COL18A1: variants seen among roughly 807,000 people sequenced by gnomAD.
The protein encoded by COL18A1 is collagen type XVIII alpha 1 chain.
COL18A1 carries 133 observed loss-of-function variants against 168.0 expected under a neutral mutation model. The observed-to-expected ratio is 0.79, with a 90% CI of 0.69 to 0.91. COL18A1 has a LOEUF of 0.91. Ranked by LOEUF, COL18A1 falls within the 40% of genes least tolerant of loss-of-function variation. The pLI, the probability that COL18A1 is intolerant of heterozygous loss-of-function variation, is 0.00. For synonymous variants in COL18A1, 949 were observed against 809.0 expected (o/e 1.17, Z -2.94); for missense variants, 2,126 against 1,925.4 (o/e 1.10, Z -1.95).
At chr21:45,430,167 A>G (rs28674166) in intron 2 of COL18A1, among the ~76,000 whole-genome samples, 4,040 of 116,334 alleles carry the variant, frequency 0.035, 169 homozygotes, top group African/African-American at 0.14. Flanking sequence ...TGCTGTGTCC[A>G]TGAAGTGGGG....
chr21:45,447,884 T>G (rs75968197), intron 2 of COL18A1, among the ~76,000 whole-genome samples: 6,448 of 152,202 alleles, frequency 0.042, 175 homozygotes, highest in African/African-American at 0.073. Context: ...CCTGCTGTGC[T>G]CCACCCATTG....
intron 2 of COL18A1, among the ~76,000 whole-genome samples, chr21:45,410,240 C>T (rs2033248825): frequency 7.3e-6 from 1 of 136,612 alleles, no homozygotes; most frequent in South Asian, 2.5e-4. Context: ...GATGGGGTCA[C>T]CTCGCCACCT....
chr21:45,469,809 T>C (rs1390822776), intron 3 of COL18A1, among the ~76,000 whole-genome samples: 2 of 152,244 alleles, frequency 1.3e-5, no homozygotes, highest in Non-Finnish European at 1.5e-5. Flanking sequence ...TAAGTCCTGG[T>C]GTCTGGGGGT....
rs62216330 is a variant in COL18A1, at chr21:45,491,466, C to T, written c.2157+152C>T. The T allele has an allele frequency of 6.5e-3, 4,111 of 631,958 alleles. 127 individuals carry two copies. Among genetic ancestry groups the T allele is most frequent in the East Asian group, 0.03 (1,035 of 34,950 alleles). The allele number at this position is 631,958 out of a possible 1,614,324, so 39.1% of individuals were successfully genotyped here. A position where few individuals can be genotyped will look rare whatever the true frequency, so the allele number is the denominator to read the frequency against. On this transcript the variant is annotated intron_variant, in intron 22 of 41. Transcript: ENST00000651438. ...CACTCCACCTCCTCGGTGGGGGCTGCAGACGCCCTCGGTCAGAGACGCCTG... is the reference window on the plus strand; with the variant it reads ...CACTCCACCTCCTCGGTGGGGGCTGTAGACGCCCTCGGTCAGAGACGCCTG...
intron 32 of COL18A1, among the ~76,000 whole-genome samples, chr21:45,501,994 G>GCA (rs1425197544): frequency 1.2e-5 from 1 of 80,060 alleles, no homozygotes; most frequent in African/African-American, 5.6e-5. Context: ...AGGACCCTCA[G>GCA]GGGCTCCACA....
chr21:45,490,602 GGGTCCCTGGGCCTTCGTGTGCCCTCCCA>G (rs1568922007), intron 20 of COL18A1, among the ~76,000 whole-genome samples: 2 of 146,296 alleles, frequency 1.4e-5, no homozygotes, highest in Admixed American at 6.8e-5. Flanking sequence ...GTGCCCTCCC[GGGTCCCTGGGCCTTCGTGTGCCCTCCCA>G]GGTCTCTGGG....
intron 2 of COL18A1, among the ~76,000 whole-genome samples, chr21:45,464,545 C>T (rs1015536637): frequency 6.6e-6 from 1 of 152,198 alleles, no homozygotes; most frequent in Non-Finnish European, 1.5e-5. Context: ...AATTCAGTGG[C>T]TTAAACCAAC....
chr21:45,490,922 C>A, intron 21 of COL18A1, 51 bp downstream of exon 21: 1 of 1,528,338 alleles, frequency 6.5e-7, no homozygotes, highest in Non-Finnish European at 8.9e-7. Flanking sequence ...TGGGACATCC[C>A]AGAAGGTTTG....
In COL18A1 at chr21:45,468,446, G is replaced by T. The variant is rs2035296152; in HGVS notation, c.311G>T (p.Gly104Val). The change falls in exon 3 of 42, where the codon GGC (glycine) becomes GTC (valine). Residue 104 changes from glycine (G) to valine (V), a missense_variant. Coordinates refer to ENST00000651438, the MANE Select transcript of COL18A1 (RefSeq NM_001379500.1). ...LLFHIRPATE[G>V]PGVLFAITDS... ...TTCCACATCCGGCCAGCCACAGAGG[G>T]CCCAGGGGTGCTGTTCGCCATCACG... The T allele has an allele frequency of 6.2e-7, 1 of 1,614,114 alleles. No individual in the cohort carries two copies. Among genetic ancestry groups the T allele is most frequent in the East Asian group, 2.2e-5 (1 of 44,886 alleles).
intron 2 of COL18A1, chr21:45,409,934 G>A (rs993174943): frequency 2.0e-5 from 3 of 152,276 alleles, no homozygotes; most frequent in African/African-American, 7.2e-5. Flanking sequence ...AGAGAGTGAG[G>A]GAGCGGTGCT....
intron 2 of COL18A1, among the ~76,000 whole-genome samples, chr21:45,437,204 T>G (rs1730639210): frequency 1.0e-5 from 1 of 95,952 alleles, no homozygotes; most frequent in Admixed American, 1.1e-4. Flanking sequence ...ACACAGGCAC[T>G]CTCCTGCACA....
At chr21:45,447,283 T>C (rs1249994135) in intron 2 of COL18A1, among the ~76,000 whole-genome samples, 1 of 151,898 alleles carries the variant, frequency 6.6e-6, no homozygotes, top group Admixed American at 6.6e-5. Context: ...AGTTTTTTAT[T>C]GTTCCTCTAA....
chr21:45,445,053 T>C (rs572490027), intron 2 of COL18A1, among the ~76,000 whole-genome samples: 1 of 152,286 alleles, frequency 6.6e-6, no homozygotes, highest in South Asian at 2.1e-4. Context: ...TATTCAAAAA[T>C]CTATGCCACC....
rs79342461 is a variant in COL18A1, at chr21:45,420,869, G to A, written c.106+15396G>A. On this transcript the variant is annotated intron_variant, in intron 2 of 41. Transcript: ENST00000651438. Reference sequence around the variant, plus strand: ...GGGGTGAACAGTGGCGGGGAACCTTGGGGAGCTGTGGATGGCCCAACCTCA... The same window carrying A: ...GGGGTGAACAGTGGCGGGGAACCTTAGGGAGCTGTGGATGGCCCAACCTCA... The A allele has an allele frequency of 3.8e-3, 589 of 153,842 alleles. 2 individuals carry two copies. Among genetic ancestry groups the A allele is most frequent in the African/African-American group, 0.013 (558 of 41,556 alleles). 9.5% of individuals were successfully genotyped at this position (153,842 alleles called of 1,614,324 possible). A position where few individuals can be genotyped will look rare whatever the true frequency, so the allele number is the denominator to read the frequency against.
chr21:45,416,852 A>G (rs1177390637), intron 2 of COL18A1, among the ~76,000 whole-genome samples: 1 of 151,992 alleles, frequency 6.6e-6, no homozygotes, highest in African/African-American at 2.4e-5. Context: ...CGTTCTGCAT[A>G]TGCTCGTTCT....
rs1021611313 is a variant in COL18A1, at chr21:45,478,061, G to A, written c.1221+96G>A. 6 of 780,302 alleles carry A rather than the reference G, an allele frequency of 7.7e-6. No individual in the cohort carries two copies. In the African/African-American group the frequency reaches 8.5e-5, roughly 11 times the overall value. The allele number at this position is 780,302 out of a possible 1,614,324, so 48.3% of individuals were successfully genotyped here. A position where few individuals can be genotyped will look rare whatever the true frequency, so the allele number is the denominator to read the frequency against. On this transcript the variant is annotated intron_variant, in intron 8 of 41. Coordinates refer to ENST00000651438, the MANE Select transcript of COL18A1 (RefSeq NM_001379500.1). ...TGCGGCCGACATGGGAGTGAGCTGA[G>A]CTGGGATCGGGGCAGGTCAGCAGCC...
intron 28 of COL18A1, 66 bp downstream of exon 28, chr21:45,494,981 C>T: frequency 1.4e-6 from 2 of 1,410,168 alleles, no homozygotes; most frequent in Non-Finnish European, 2.0e-6. Flanking sequence ...CAGCCCAGGC[C>T]CACGGGGGTG....
chr21:45,506,743 C>T (rs2037225189), intron 37 of COL18A1: 1 of 145,556 alleles, frequency 6.9e-6, no homozygotes, highest in Non-Finnish European at 1.5e-5. Flanking sequence ...CACCTTCCTT[C>T]TAGAGCCCTC....
Position 45,498,374 on chromosome 21 carries a change from C to A in COL18A1, c.2683+713C>A. On this transcript the variant is annotated intron_variant, in intron 32 of 41. Coordinates refer to ENST00000651438, the MANE Select transcript of COL18A1 (RefSeq NM_001379500.1). The surrounding 1 kb of genome is among the most constrained non-coding windows in gnomAD (Gnocchi z 4.5). ...CAGGGTTCCCTCTCGCCACCACGGT[C>A]CCCTCTCGCCGCCAGGGTCCCCTCT... The A allele has an allele frequency of 4.5e-6, 3 of 659,918 alleles. No homozygotes were observed. Among genetic ancestry groups the A allele is most frequent in the Non-Finnish European group, 5.6e-6 (2 of 356,822 alleles). The allele number at this position is 659,918 out of a possible 1,614,324, so 40.9% of individuals were successfully genotyped here. A position where few individuals can be genotyped will look rare whatever the true frequency, so the allele number is the denominator to read the frequency against.
Sources: allele counts gnomAD v4.1 joint callset (sites outside exome capture counted in the v4.1 genomes callset), GRCh38; gene constraint gnomAD v4.1.1; non-coding constraint Gnocchi (gnomAD v3.1); transcripts MANE v1.5; gene names NCBI Gene and HGNC (gene_info 2026-07-23, HGNC 2026-07-21).